Variants in A1CF observed in about 807,000 individuals in gnomAD.
The protein encoded by A1CF is APOBEC-1 stimulating protein.
In A1CF, 48 loss-of-function variants were observed where a neutral mutation model predicts 68.9. The observed-to-expected ratio is 0.70, with a 90% CI of 0.55 to 0.89. The LOEUF (loss-of-function observed/expected upper bound fraction) is 0.89. Ranked by LOEUF, A1CF falls within the 40% of genes least tolerant of loss-of-function variation. The pLI, the probability that A1CF is intolerant of heterozygous loss-of-function variation, is 0.00. For missense variants in A1CF, 653 were observed against 718.9 expected (o/e 0.91, Z 1.05); for synonymous variants, 272 against 260.4 (o/e 1.04, Z -0.43).
intron 3 of A1CF, among the ~76,000 whole-genome samples, chr10:50,846,540 A>G (rs939344053): frequency 6.6e-6 from 1 of 152,178 alleles, no homozygotes; most frequent in Admixed American, 6.5e-5. Flanking sequence ...TTACCCTTCA[A>G]GTTGAGGAAA....
chr10:50,853,381 A>G (rs1372064004), intron 3 of A1CF, among the ~76,000 whole-genome samples: 2 of 152,132 alleles, frequency 1.3e-5, no homozygotes, highest in Non-Finnish European at 2.9e-5. Context: ...TCTTAGCTTC[A>G]ATGTAATTTT....
chr10:50,882,994 A>G (rs939710567), intron 1 of A1CF, among the ~76,000 whole-genome samples: 4 of 152,172 alleles, frequency 2.6e-5, no homozygotes, highest in African/African-American at 9.7e-5. Context: ...TTCAGCAATA[A>G]TCTCTAAAAT....
rs141492927 is a variant in A1CF at position 50,803,391 on chromosome 10, C to T, written c.*3338G>A. 7.5e-4 allele frequency: 115 copies of T among 152,350 alleles called. No individual in the cohort carries two copies. Among genetic ancestry groups the T allele is most frequent in the African/African-American group, 2.7e-3 (114 of 41,556 alleles). The allele number at this position is 152,350 out of a possible 1,614,324, so 9.4% of individuals were successfully genotyped here. A position where few individuals can be genotyped will look rare whatever the true frequency, so the allele number is the denominator to read the frequency against. On this transcript the variant is annotated 3_prime_UTR_variant, in exon 13 of 13. Transcript: ENST00000373997. ...GTACTGGGGTTATAGGCATGGGCCACTGTGCCAGATATTTTTTGAAATCCA... is the reference window on the plus strand; with the variant it reads ...GTACTGGGGTTATAGGCATGGGCCATTGTGCCAGATATTTTTTGAAATCCA...
At chr10:50,875,472 C>G (rs1841467855) in intron 1 of A1CF, among the ~76,000 whole-genome samples, 1 of 152,160 alleles carries the variant, frequency 6.6e-6, no homozygotes, top group Non-Finnish European at 1.5e-5. Flanking sequence ...AAGGAAATCT[C>G]TTAGGAGAAA....
chr10:50,831,407 A>G (rs879274789), intron 6 of A1CF, among the ~76,000 whole-genome samples: 7 of 152,220 alleles, frequency 4.6e-5, no homozygotes, highest in Non-Finnish European at 8.8e-5. Context: ...CAAACAATCA[A>G]TAGTAGGAAA....
rs956810879 is a variant in A1CF, at chr10:50,801,250, T to C, written c.*5479A>G. On this transcript the variant is annotated 3_prime_UTR_variant, in exon 13 of 13. Transcript: ENST00000373997. ...TTCAGAGGAGGAAGTGATCCATTCTTCTCTGTTTACTATGACCCTGCTCAG... is the reference window on the plus strand; with the variant it reads ...TTCAGAGGAGGAAGTGATCCATTCTCCTCTGTTTACTATGACCCTGCTCAG... The C allele has an allele frequency of 6.6e-6, 1 of 152,204 alleles. No homozygotes were observed. The highest frequency in any genetic ancestry group is 2.4e-5 in the African/African-American group (1 of 41,454). 9.4% of individuals were successfully genotyped at this position (152,204 alleles called of 1,614,324 possible).
chr10:50,850,610 T>G, intron 3 of A1CF: 1 of 1,576,874 alleles, frequency 6.3e-7, no homozygotes, highest in Non-Finnish European at 8.7e-7. Context: ...GTGTGTGTGT[T>G]TCTGTAAAAG....
chr10:50,860,003 A>T lies in A1CF; in HGVS notation c.-45-18T>A. The T allele has an allele frequency of 7.6e-7, 1 of 1,316,106 alleles. No homozygotes were observed. The highest frequency in any genetic ancestry group is 1.2e-5 in the South Asian group (1 of 83,924). The allele number at this position is 1,316,106 out of a possible 1,614,324, so 81.5% of individuals were successfully genotyped here. On this transcript the variant is annotated intron_variant, in intron 2 of 12. Transcript: ENST00000373997. ...GTTGCTCACTGAAACCAAATTTAAG[A>T]TAAATTAAGTAAATTACTGTTGTCA...
chr10:50,879,732 A>T (rs1037643326), intron 1 of A1CF, among the ~76,000 whole-genome samples: 7 of 152,182 alleles, frequency 4.6e-5, no homozygotes, highest in African/African-American at 1.7e-4. Flanking sequence ...TTCTCACCAG[A>T]TTCTTTCCTT....
intron 6 of A1CF, among the ~76,000 whole-genome samples, chr10:50,835,054 G>T (rs890147385): frequency 6.6e-6 from 1 of 152,194 alleles, no homozygotes; most frequent in Non-Finnish European, 1.5e-5. Flanking sequence ...ATGCTGGCCA[G>T]TGAAGAGGGA....
At chr10:50,812,268 T>C (rs1838153835) in intron 10 of A1CF, among the ~76,000 whole-genome samples, 1 of 152,190 alleles carries the variant, frequency 6.6e-6, no homozygotes, top group African/African-American at 2.4e-5. Context: ...CTGCTGACTT[T>C]GCAGGAAAGG....
intron 1 of A1CF, among the ~76,000 whole-genome samples, chr10:50,883,162 T>C (rs1035001795): frequency 6.6e-6 from 1 of 152,216 alleles, no homozygotes; most frequent in Non-Finnish European, 1.5e-5. Context: ...AAACAAGGCC[T>C]AATAGGTATA....
intron 1 of A1CF, among the ~76,000 whole-genome samples, chr10:50,869,681 G>T (rs994877337): frequency 1.3e-5 from 2 of 151,962 alleles, no homozygotes; most frequent in Non-Finnish European, 2.9e-5. Context: ...TGTTCTAGAA[G>T]AATATATAAT....
intron 8 of A1CF, among the ~76,000 whole-genome samples, chr10:50,818,581 G>A (rs886856444): frequency 1.3e-5 from 2 of 151,988 alleles, no homozygotes; most frequent in African/African-American, 2.4e-5. Context: ...GTATACTCAG[G>A]AATGTTTCCA....
intron 1 of A1CF, among the ~76,000 whole-genome samples, chr10:50,877,180 G>A (rs1232594808): frequency 6.6e-6 from 1 of 152,154 alleles, no homozygotes; most frequent in Non-Finnish European, 1.5e-5. Flanking sequence ...CTTTTGAATT[G>A]GTAAAGTGGT....
At chr10:50,872,161 G>A (rs1403186983) in intron 1 of A1CF, among the ~76,000 whole-genome samples, 1 of 152,056 alleles carries the variant, frequency 6.6e-6, no homozygotes. Context: ...TAGTGATCAG[G>A]AAAAGGCAAA....
chr10:50,882,513 C>T (rs2132637545), intron 1 of A1CF, among the ~76,000 whole-genome samples: 1 of 152,200 alleles, frequency 6.6e-6, no homozygotes, highest in East Asian at 1.9e-4. Flanking sequence ...GATGAACTAG[C>T]TTTCCTGGTT....
intron 9 of A1CF, 101 bp downstream of exon 9, chr10:50,815,905 G>GCTT (rs1838343482): frequency 7.4e-7 from 1 of 1,347,642 alleles, no homozygotes; most frequent in Admixed American, 2.3e-5. Flanking sequence ...ATTTTTCAGT[G>GCTT]CTTTTCTCCA....
chr10:50,836,017 T>C, intron 6 of A1CF, 57 bp downstream of exon 6: 2 of 1,459,292 alleles, frequency 1.4e-6, no homozygotes, highest in East Asian at 2.3e-5. Context: ...TTATTTTCTT[T>C]GCGGAGGCAG....
Sources: allele counts gnomAD v4.1 joint callset (sites outside exome capture counted in the v4.1 genomes callset), GRCh38; gene constraint gnomAD v4.1.1; transcripts MANE v1.5; gene names NCBI Gene and HGNC (gene_info 2026-07-23, HGNC 2026-07-21).